FHIP1A: variants seen among roughly 807,000 people sequenced by gnomAD.
FHIP1A encodes the protein FHF complex subunit HOOK interacting protein 1A.
Under a neutral mutation model 88.6 loss-of-function variants are expected in FHIP1A, and 61 were observed. The observed-to-expected ratio is 0.69, with a 90% CI of 0.56 to 0.85. FHIP1A has a LOEUF of 0.85. Among genes scored for constraint, FHIP1A ranks in the 40% least tolerant of loss-of-function variants. FHIP1A has a pLI of 0.00. For synonymous variants in FHIP1A, 478 were observed against 496.0 expected, an observed-to-expected ratio of 0.96 and a Z score of 0.48; for missense variants, 1,154 against 1,273.5, an observed-to-expected ratio of 0.91 and a Z score of 1.43.
chr4:151,491,889 A>G (rs1435521103), intron 3 of FHIP1A, among the ~76,000 whole-genome samples: 2 of 152,210 alleles, frequency 1.3e-5, no homozygotes, highest in African/African-American at 4.8e-5. Context: ...AAGCAACAAC[A>G]GTTAAAAAGG....
intron 3 of FHIP1A, among the ~76,000 whole-genome samples, chr4:151,508,473 C>T (rs1036994260): frequency 1.3e-5 from 2 of 152,122 alleles, no homozygotes; most frequent in African/African-American, 2.4e-5. Context: ...ATCAGGAATA[C>T]GTGGCTGTAG....
chr4:151,509,483 G>T (rs1730949525), intron 3 of FHIP1A, among the ~76,000 whole-genome samples: 1 of 152,060 alleles, frequency 6.6e-6, no homozygotes, highest in Non-Finnish European at 1.5e-5. Flanking sequence ...TACCTTCCTG[G>T]GGTAGTGAGC....
chr4:151,464,436 C>T (rs1372584236), intron 2 of FHIP1A, among the ~76,000 whole-genome samples: 1 of 152,242 alleles, frequency 6.6e-6, no homozygotes, highest in Non-Finnish European at 1.5e-5. Context: ...TCTCCACTCT[C>T]CACCCAACCC....
chr4:151,454,355 G>C (rs542993697), intron 1 of FHIP1A, among the ~76,000 whole-genome samples: 59 of 152,296 alleles, frequency 3.9e-4, no homozygotes, highest in Middle Eastern at 3.4e-3. Context: ...GCCAAAGACT[G>C]TTCCTATAGG....
chr4:151,514,572 AG>A (rs1432416354), intron 3 of FHIP1A, among the ~76,000 whole-genome samples: 3 of 152,148 alleles, frequency 2.0e-5, no homozygotes, highest in East Asian at 3.8e-4. Context: ...CTAATAAAGA[AG>A]AAAAGAGAGA....
chr4:151,491,858 T>A (rs2126648311), intron 3 of FHIP1A, among the ~76,000 whole-genome samples: 1 of 152,242 alleles, frequency 6.6e-6, no homozygotes, highest in East Asian at 1.9e-4. Context: ...GCTATTCTCA[T>A]ATCAGACAAA....
intron 3 of FHIP1A, among the ~76,000 whole-genome samples, chr4:151,498,349 G>A (rs2126658141): frequency 6.6e-6 from 1 of 152,272 alleles, no homozygotes. Context: ...CCAGTGTTAG[G>A]GAAGGGGAAC....
intron 11 of FHIP1A, 51 bp downstream of exon 11, chr4:151,650,643 A>T: frequency 6.7e-7 from 1 of 1,489,776 alleles, no homozygotes; most frequent in East Asian, 2.5e-5. Context: ...GTACTTGTAT[A>T]TATTGGAACA....
At position 151,662,684 on chromosome 4, in the gene FHIP1A, C is replaced by T. The variant is rs976427394; in HGVS notation, c.3053C>T (p.Ala1018Val). 1.7e-5 allele frequency: 27 copies of T among 1,550,774 alleles called. No homozygotes were observed. Among genetic ancestry groups the T allele is most frequent in the South Asian group, 6.0e-5 (5 of 84,008 alleles). Residue 1018 changes from alanine to valine, a missense_variant, in exon 14 of 14, where the codon GCG becomes GTG. Ala to Val is a moderately conservative substitution (Grantham distance 64). Coordinates refer to ENST00000435205, the MANE Select transcript of FHIP1A (RefSeq NM_001109977.3). The stretch of plus-strand genomic sequence containing the variant: ...TTCCCAGAGTTCCTGAAGGAGCTGG[C>T]GGCCTTGGCCCAGGAACACTCCATT... The part of the protein sequence containing the change: ...ALFPEFLKEL[A>V]ALAQEHSILC...
At chr4:151,560,033 C>T (rs960457794) in intron 3 of FHIP1A, among the ~76,000 whole-genome samples, 6 of 152,092 alleles carry the variant, frequency 3.9e-5, no homozygotes, top group Non-Finnish European at 7.4e-5. Context: ...TTTATTGAAG[C>T]GGGGCACCTC....
At chr4:151,497,138 A>T (rs529115912) in intron 3 of FHIP1A, among the ~76,000 whole-genome samples, 1 of 152,280 alleles carries the variant, frequency 6.6e-6, no homozygotes, top group East Asian at 1.9e-4. Flanking sequence ...AGAATGAGCA[A>T]ATCTTTCTAA....
chr4:151,592,055 A>T (rs752611433), intron 7 of FHIP1A, among the ~76,000 whole-genome samples: 2 of 152,092 alleles, frequency 1.3e-5, no homozygotes, highest in Admixed American at 6.6e-5. Context: ...GTCTTCCACA[A>T]TGGTTGAACT....
intron 3 of FHIP1A, among the ~76,000 whole-genome samples, chr4:151,548,908 TC>T (rs1732612648): frequency 6.6e-6 from 1 of 152,232 alleles, no homozygotes; most frequent in African/African-American, 2.4e-5. Context: ...ACTTTTACTT[TC>T]TGCAGAAAGG....
At chr4:151,418,050 G>A (rs554462350) in intron 1 of FHIP1A, among the ~76,000 whole-genome samples, 9 of 151,360 alleles carry the variant, frequency 5.9e-5, no homozygotes, top group Non-Finnish European at 1.2e-4. Context: ...CTCACCCCAG[G>A]AGTCCCAGCT....
chr4:151,429,588 C>A (rs961614491), intron 1 of FHIP1A, among the ~76,000 whole-genome samples: 1 of 152,164 alleles, frequency 6.6e-6, no homozygotes, highest in Non-Finnish European at 1.5e-5. Context: ...GTGGCTCATG[C>A]CTGTAATCCT....
chr4:151,613,454 C>A (rs749068714), intron 7 of FHIP1A, among the ~76,000 whole-genome samples: 1 of 152,122 alleles, frequency 6.6e-6, no homozygotes, highest in Admixed American at 6.5e-5. Flanking sequence ...CAGTGCAGGC[C>A]GAGGGCTGTC....
At chr4:151,560,558 G>A (rs77187952) in intron 3 of FHIP1A, among the ~76,000 whole-genome samples, 1,592 of 152,086 alleles carry the variant, frequency 0.01, 12 homozygotes, top group Non-Finnish European at 0.017. Context: ...TTTTTTCTGC[G>A]TTTACCTTAG....
intron 7 of FHIP1A, among the ~76,000 whole-genome samples, chr4:151,611,368 TA>T (rs1326580082): frequency 6.6e-6 from 1 of 152,128 alleles, no homozygotes; most frequent in Non-Finnish European, 1.5e-5. Flanking sequence ...TAAAGGAAGA[TA>T]TAGATATTTT....
rs775802962 is a variant in FHIP1A at position 151,646,642 on chromosome 4, G to T, written c.1311G>T (p.Lys437Asn). ...ERDCYSVSAA[K>N]LLALTPVCCS... ...ACTGTTACTCTGTTTCTGCGGCCAA[G>T]CTTCTCGCCTTGACTCCTGTCTGCT... Residue 437 changes from lysine to asparagine, a missense_variant, in exon 10 of 14, where the codon AAG becomes AAT. Lys to Asn is a moderately conservative substitution (Grantham distance 94). Coordinates refer to ENST00000435205, the MANE Select transcript of FHIP1A (RefSeq NM_001109977.3). The T allele has an allele frequency of 6.4e-7, 1 of 1,551,670 alleles. No individual in the cohort carries two copies. The highest frequency in any genetic ancestry group is 8.7e-7 in the Non-Finnish European group (1 of 1,146,934).
Sources: allele counts gnomAD v4.1 joint callset (sites outside exome capture counted in the v4.1 genomes callset), GRCh38; gene constraint gnomAD v4.1.1; transcripts MANE v1.5; gene names NCBI Gene and HGNC (gene_info 2026-07-23, HGNC 2026-07-21).